The following TBL1Y variants were observed in gnomAD, a reference collection of about 807,000 sequenced individuals.
TBL1Y encodes the protein F-box-like/WD repeat-containing protein TBL1Y.
TBL1Y carries 15 observed loss-of-function variants against 12.0 expected under a neutral mutation model. That is an observed-to-expected ratio of 1.25 (90% CI 0.83 to 1.92). TBL1Y has a LOEUF of 1.92. Ranked by LOEUF, TBL1Y falls within the 40% of genes most tolerant of loss-of-function variation. The pLI, the probability that TBL1Y is intolerant of heterozygous loss-of-function variation, is 0.00. For missense variants in TBL1Y, 148 were observed against 116.7 expected (o/e 1.27, Z -1.24); for synonymous variants, 53 against 42.6 (o/e 1.24, Z -0.95).
At chrY:7,077,672 A>G (rs781451864) in intron 13 of TBL1Y, among the ~76,000 whole-genome samples, 2 of 33,521 alleles carry the variant, frequency 6.0e-5, no homozygotes, top group African/African-American at 2.3e-4. Flanking sequence ...GGCTGTGGAA[A>G]AGACTACTGT....
At chrY:7,080,687 A>G in intron 13 of TBL1Y, 45 bp from the exon 14 acceptor site, 2 of 396,077 alleles carry the variant, frequency 5.0e-6, no homozygotes. Context: ...CCATAGAGCT[A>G]TGCACACAGT....
intron 3 of TBL1Y, among the ~76,000 whole-genome samples, chrY:6,987,692 G>C (rs778774261): frequency 3.1e-5 from 1 of 32,239 alleles, no homozygotes; most frequent in South Asian, 6.7e-4. Flanking sequence ...TCATCCTGAT[G>C]TGTGAGATCC....
chrY:6,943,858 G>C (rs746111111), intron 2 of TBL1Y, among the ~76,000 whole-genome samples: 1 of 33,771 alleles, frequency 3.0e-5, no homozygotes, highest in African/African-American at 1.2e-4. Context: ...AGGGCACAAT[G>C]GGCCAAGTCA....
chrY:6,943,592 GTGAATGGAGAAC>G (rs2011966690), intron 2 of TBL1Y, among the ~76,000 whole-genome samples: 1 of 32,931 alleles, frequency 3.0e-5, no homozygotes, highest in Non-Finnish European at 7.4e-5. Context: ...GAATTTGATT[GTGAATGGAGAAC>G]TGAGCCATAA....
At chrY:6,930,806 A>G (rs576846118) in intron 2 of TBL1Y, among the ~76,000 whole-genome samples, 8 of 33,217 alleles carry the variant, frequency 2.4e-4, no homozygotes, top group African/African-American at 9.4e-4. Context: ...TGGCCACCGG[A>G]GCCAGCAGCA....
chrY:6,939,759 C>A (rs2011934855), intron 2 of TBL1Y, among the ~76,000 whole-genome samples: 5 of 26,805 alleles, frequency 1.9e-4, no homozygotes, highest in African/African-American at 7.6e-4. Context: ...CTGTAACCTC[C>A]ACCTCCTGGG....
At chrY:7,045,953 A>G in intron 7 of TBL1Y, among the ~76,000 whole-genome samples, 1 of 33,308 alleles carries the variant, frequency 3.0e-5, no homozygotes, top group Non-Finnish European at 7.4e-5. Flanking sequence ...GTCCAAAACA[A>G]TGATCTCCCA....
intron 2 of TBL1Y, among the ~76,000 whole-genome samples, chrY:6,952,060 T>G (rs553900391): frequency 9.0e-5 from 3 of 33,281 alleles, no homozygotes; most frequent in African/African-American, 3.5e-4. Context: ...TAATTTCTGC[T>G]TTTTTTACAT....
chrY:7,073,253 A>T, intron 12 of TBL1Y, among the ~76,000 whole-genome samples: 4 of 33,677 alleles, frequency 1.2e-4, no homozygotes, highest in African/African-American at 4.7e-4. Context: ...ATTGGTACAC[A>T]GTCACACTCC....
chrY:7,076,812 G>T (rs2013064500), intron 13 of TBL1Y, among the ~76,000 whole-genome samples: 1 of 26,242 alleles, frequency 3.8e-5, no homozygotes, highest in Non-Finnish European at 8.6e-5. Context: ...GCTGAGGCAG[G>T]AGAATCCCCT....
chrY:7,037,868 T>C (rs2012702185), intron 6 of TBL1Y, among the ~76,000 whole-genome samples: 1 of 34,444 alleles, frequency 2.9e-5, no homozygotes, highest in Non-Finnish European at 7.2e-5. Flanking sequence ...ATTGGTGCCC[T>C]TAGTATTTGT....
At chrY:7,037,295 C>T (rs2012697851) in intron 6 of TBL1Y, among the ~76,000 whole-genome samples, 1 of 33,257 alleles carries the variant, frequency 3.0e-5, no homozygotes, top group Non-Finnish European at 7.4e-5. Context: ...TATAAAATGG[C>T]ATAGTAGTTA....
intron 18 of TBL1Y, among the ~76,000 whole-genome samples, chrY:7,091,122 C>T: frequency 3.0e-5 from 1 of 33,852 alleles, no homozygotes; most frequent in Non-Finnish European, 7.3e-5. Context: ...CCCCAAATAT[C>T]GTCAGAGATC....
Position 7,091,487 on chromosome Y carries a change from C to T in TBL1Y, c.1564C>T (p.Leu522=). ...ASDGSVCVLD[L] is the part of the protein sequence containing the mutation. ...TTCCTTCCAGGTGTGTGTTCTGGAT[C>T]TGTGAAAGTAAACACAAAATATAGA... Residue 522 remains leucine, a synonymous_variant, in exon 19 of 19, where the codon CTG becomes TTG. Coordinates refer to ENST00000383032, the MANE Select transcript of TBL1Y (RefSeq NM_033284.2). The T allele has an allele frequency of 5.2e-6, 2 of 381,916 alleles. No homozygotes were observed. Among genetic ancestry groups the T allele is most frequent in the Non-Finnish European group, 7.3e-6 (2 of 274,857 alleles).
At chrY:7,026,947 G>T (rs2012628766) in intron 6 of TBL1Y, among the ~76,000 whole-genome samples, 1 of 32,709 alleles carries the variant, frequency 3.1e-5, no homozygotes, top group African/African-American at 1.2e-4. Flanking sequence ...TTTGAAATGG[G>T]GTCTCAGTTT....
chrY:7,031,378 G>A (rs2012654324), intron 6 of TBL1Y, among the ~76,000 whole-genome samples: 1 of 33,445 alleles, frequency 3.0e-5, no homozygotes, highest in Non-Finnish European at 7.4e-5. Context: ...TGAGGTGTTC[G>A]TGTGTTCCAG....
At chrY:6,995,622 G>C in intron 3 of TBL1Y, among the ~76,000 whole-genome samples, 182 bp from the exon 4 acceptor site, 1 of 32,059 alleles carries the variant, frequency 3.1e-5, no homozygotes, top group African/African-American at 1.2e-4. Context: ...TTTCGCTCTT[G>C]TTGCCCAGGC....
intron 2 of TBL1Y, among the ~76,000 whole-genome samples, chrY:6,934,089 GAA>G (rs2011885111): frequency 7.2e-5 from 2 of 27,720 alleles, no homozygotes; most frequent in Non-Finnish European, 1.8e-4. Flanking sequence ...AGTTTTGAAG[GAA>G]AAAAAAAAAG....
At chrY:6,924,794 G>A (rs2011816289) in intron 2 of TBL1Y, among the ~76,000 whole-genome samples, 1 of 32,865 alleles carries the variant, frequency 3.0e-5, no homozygotes, top group African/African-American at 1.2e-4. Flanking sequence ...GTTCATTTGG[G>A]GGTCAGAATA....
Sources: allele counts gnomAD v4.1 joint callset (sites outside exome capture counted in the v4.1 genomes callset), GRCh38; gene constraint gnomAD v4.1.1; transcripts MANE v1.5; gene names NCBI Gene and HGNC (gene_info 2026-07-23, HGNC 2026-07-21).